The following CCDC60 variants were observed in gnomAD, a reference collection of about 807,000 sequenced individuals.
The protein encoded by CCDC60 is coiled-coil domain containing 60, also known as coiled-coil domain-containing protein 60.
CCDC60 carries 54 observed loss-of-function variants against 63.5 expected under a neutral mutation model. The ratio of observed to expected loss-of-function variants is 0.85; its 90% CI spans 0.68 to 1.07. The LOEUF (loss-of-function observed/expected upper bound fraction) is 1.07, where lower values mean the gene tolerates loss of function less well. CCDC60 is among the 50% of genes least tolerant of loss of function. The pLI is 0.00. For synonymous variants in CCDC60, 206 were observed against 238.8 expected, an observed-to-expected ratio of 0.86 and a Z score of 1.27; for missense variants, 651 against 684.3, an observed-to-expected ratio of 0.95 and a Z score of 0.54.
intron 2 of CCDC60, among the ~76,000 whole-genome samples, chr12:119,438,991 C>T (rs1950380232): frequency 6.6e-6 from 1 of 152,004 alleles, no homozygotes; most frequent in African/African-American, 2.4e-5. Context: ...CCAGTAGCCC[C>T]ACCTATCTTT....
intron 9 of CCDC60, among the ~76,000 whole-genome samples, chr12:119,520,820 C>G (rs1485907871): frequency 6.6e-6 from 1 of 152,146 alleles, no homozygotes; most frequent in Non-Finnish European, 1.5e-5. Context: ...GAATTACAGG[C>G]ATGAGCCCAG....
intron 8 of CCDC60, among the ~76,000 whole-genome samples, chr12:119,518,142 G>T (rs1952404471): frequency 6.6e-6 from 1 of 152,144 alleles, no homozygotes; most frequent in African/African-American, 2.4e-5. Flanking sequence ...TGCTCTGGAA[G>T]GTGGCACTTG....
intron 1 of CCDC60, among the ~76,000 whole-genome samples, chr12:119,372,570 A>G (rs1955908353): frequency 6.6e-6 from 1 of 152,192 alleles, no homozygotes. Flanking sequence ...CCCCCACATT[A>G]TGGAAGTCAG....
chr12:119,359,035 G>A (rs1181990876), intron 1 of CCDC60, among the ~76,000 whole-genome samples: 1 of 152,182 alleles, frequency 6.6e-6, no homozygotes, highest in Non-Finnish European at 1.5e-5. Context: ...ATCCATAGGG[G>A]TGGTTCAATT....
rs965773804 is a variant in CCDC60, at chr12:119,532,430, T to TATTATTATTATC, written c.1551+1369_1551+1370insTATTATTATCAT. On this transcript the variant is annotated intron_variant, in intron 13 of 13. Coordinates refer to ENST00000327554, the MANE Select transcript of CCDC60 (RefSeq NM_178499.5). ...TTATTATTATTATTATTATTATTAT[T>TATTATTATTATC]ATCATTATACTTTAAGTTCTGGGAT... 9.4e-3 allele frequency among the ~76,000 whole-genome samples: 1,384 copies of TATTATTATTATC among 147,558 alleles called. 14 individuals are homozygous for TATTATTATTATC. The highest frequency in any genetic ancestry group is 0.033 in the African/African-American group (1,295 of 39,668).
intron 11 of CCDC60, among the ~76,000 whole-genome samples, 167 bp downstream of exon 11, chr12:119,523,985 G>A (rs1010603941): frequency 2.0e-5 from 3 of 152,160 alleles, no homozygotes; most frequent in South Asian, 4.1e-4. Context: ...CAAAATAACT[G>A]CATCCATAAA....
chr12:119,466,229 T>C (rs1047818364), intron 2 of CCDC60, among the ~76,000 whole-genome samples: 9 of 152,280 alleles, frequency 5.9e-5, no homozygotes, highest in African/African-American at 2.2e-4. Context: ...GCCTGCTCTG[T>C]TCCTCCATAG....
At chr12:119,449,950 A>G (rs911713487) in intron 2 of CCDC60, among the ~76,000 whole-genome samples, 1 of 152,170 alleles carries the variant, frequency 6.6e-6, no homozygotes, top group Non-Finnish European at 1.5e-5. Flanking sequence ...AGAAAAATAA[A>G]TCATTATTTT....
intron 2 of CCDC60, 67 bp from the exon 3 acceptor site, chr12:119,471,926 CT>C: frequency 7.5e-7 from 1 of 1,335,966 alleles, no homozygotes; most frequent in East Asian, 2.3e-5. Flanking sequence ...CTCTCCTTCT[CT>C]TTCCTTCTCT....
intron 4 of CCDC60, among the ~76,000 whole-genome samples, chr12:119,480,546 A>C (rs1289399011): frequency 6.6e-6 from 1 of 151,724 alleles, no homozygotes; most frequent in African/African-American, 2.4e-5. Context: ...TGGAAGATGC[A>C]AAAACCATCA....
At chr12:119,352,931 C>T (rs531014752) in intron 1 of CCDC60, among the ~76,000 whole-genome samples, 46 of 151,292 alleles carry the variant, frequency 3.0e-4, no homozygotes, top group Non-Finnish European at 5.2e-4. Flanking sequence ...CAGAGTGAGA[C>T]TCTGTCTCAA....
At chr12:119,363,957 C>T (rs1955815729) in intron 1 of CCDC60, among the ~76,000 whole-genome samples, 1 of 152,170 alleles carries the variant, frequency 6.6e-6, no homozygotes, top group East Asian at 1.9e-4. Flanking sequence ...AATTTCTAAG[C>T]AGCACTCTTC....
chr12:119,382,003 C>T (rs1401267692), intron 1 of CCDC60, among the ~76,000 whole-genome samples: 2 of 152,154 alleles, frequency 1.3e-5, no homozygotes, highest in Non-Finnish European at 2.9e-5. Flanking sequence ...TTCTCATGAC[C>T]TTCCTATCTT....
rs114391803 is a variant in CCDC60 at position 119,489,229 on chromosome 12, C to T, written c.557+363C>T. 5.9e-3 allele frequency among the ~76,000 whole-genome samples: 890 copies of T among 152,010 alleles called. 12 individuals are homozygous for T. Among genetic ancestry groups the T allele is most frequent in the African/African-American group, 0.021 (864 of 41,438 alleles). On this transcript the variant is annotated intron_variant, in intron 5 of 13. Coordinates refer to ENST00000327554, the MANE Select transcript of CCDC60 (RefSeq NM_178499.5). ...GCTCTCCAACTCTCTTCTTGGACTGCGTCTCCCTACACTATTCTTTATTCT... is the reference window on the plus strand; with the variant it reads ...GCTCTCCAACTCTCTTCTTGGACTGTGTCTCCCTACACTATTCTTTATTCT...
chr12:119,374,985 C>A (rs758519754), intron 1 of CCDC60, among the ~76,000 whole-genome samples: 1 of 152,060 alleles, frequency 6.6e-6, no homozygotes, highest in African/African-American at 2.4e-5. Flanking sequence ...GCTTCCTTAC[C>A]GCATACTGTA....
chr12:119,377,282 AAAAG>A (rs970005122), intron 1 of CCDC60, among the ~76,000 whole-genome samples: 21 of 150,260 alleles, frequency 1.4e-4, no homozygotes, highest in South Asian at 6.3e-4. Context: ...AAAAAAAAGA[AAAAG>A]AAAGAAAGAA....
chr12:119,476,503 A>G (rs1439217569), intron 3 of CCDC60, among the ~76,000 whole-genome samples: 2 of 152,180 alleles, frequency 1.3e-5, no homozygotes, highest in Admixed American at 6.5e-5. Context: ...TAACTCTGTG[A>G]TTCCAGAATT....
At chr12:119,368,082 A>AGGAGGGGGAGGAGGAGG (rs1955860234) in intron 1 of CCDC60, among the ~76,000 whole-genome samples, 1 of 140,684 alleles carries the variant, frequency 7.1e-6, no homozygotes, top group Admixed American at 7.2e-5. Flanking sequence ...AAGAAGAAGG[A>AGGAGGGGGAGGAGGAGG]GGAGGGGGAG....
chr12:119,497,430 T>C (rs1307713672), intron 5 of CCDC60, among the ~76,000 whole-genome samples: 3 of 152,222 alleles, frequency 2.0e-5, no homozygotes, highest in Non-Finnish European at 4.4e-5. Flanking sequence ...TCTTTATCAA[T>C]GGGTTTGCAA....
Sources: allele counts gnomAD v4.1 joint callset (sites outside exome capture counted in the v4.1 genomes callset), GRCh38; gene constraint gnomAD v4.1.1; transcripts MANE v1.5; gene names NCBI Gene and HGNC (gene_info 2026-07-23, HGNC 2026-07-21).